The following MINK1 variants were observed in gnomAD, a reference collection of about 807,000 sequenced individuals.
MINK1 encodes the protein misshapen like kinase 1.
MINK1 carries 46 observed loss-of-function variants against 178.4 expected under a neutral mutation model. The observed-to-expected ratio is 0.26, with a 90% CI of 0.20 to 0.33. The LOEUF (loss-of-function observed/expected upper bound fraction) is 0.33. Among genes scored for constraint, MINK1 ranks in the 10% least tolerant of loss-of-function variants. The pLI is 1.00. For synonymous variants in MINK1, 797 were observed against 709.7 expected, an observed-to-expected ratio of 1.12 and a Z score of -1.96; for missense variants, 1,366 against 1,814.9, an observed-to-expected ratio of 0.75 and a Z score of 4.49.
In MINK1 at chr17:4,884,429, C is replaced by A; in HGVS notation, c.373C>A (p.Leu125Met). ...GGTAAAGAACACAAAAGGCAACGCC[C>A]TGAAGGAGGACTGTATCGCCTATAT... ...DLVKNTKGNA[L>M]KEDCIAYICR... Residue 125 changes from leucine to methionine, a missense_variant, in exon 5 of 32, where the codon CTG (leucine) becomes ATG (methionine). This residue lies in a region of MINK1 where 109 missense variants were observed against 369.4 expected (regional missense o/e 0.30). Coordinates refer to ENST00000355280, the MANE Select transcript of MINK1 (RefSeq NM_153827.5). 6.2e-7 allele frequency: 1 copy of A among 1,613,950 alleles called. No homozygotes were observed. The highest frequency in any genetic ancestry group is 8.5e-7 in the Non-Finnish European group (1 of 1,179,888).
intron 1 of MINK1, among the ~76,000 whole-genome samples, chr17:4,853,365 G>C (rs1300243830): frequency 4.2e-5 from 4 of 94,120 alleles, no homozygotes; most frequent in African/African-American, 1.7e-4. Flanking sequence ...AGTGTGGTTG[G>C]GGGGAGTGTG....
At chr17:4,852,574 G>A (rs1172813410) in intron 1 of MINK1, among the ~76,000 whole-genome samples, 1 of 150,754 alleles carries the variant, frequency 6.6e-6, no homozygotes, top group Non-Finnish European at 1.5e-5. Context: ...CCACTAGTTA[G>A]TGCAGTGTTC....
At chr17:4,868,412 T>C (rs1197019426) in intron 1 of MINK1, among the ~76,000 whole-genome samples, 1 of 152,144 alleles carries the variant, frequency 6.6e-6, no homozygotes, top group Admixed American at 6.5e-5. Flanking sequence ...CCTCTCTTCA[T>C]CCCCCTGCCC....
At position 4,896,301 on chromosome 17, in the gene MINK1, G is replaced by A. The variant is rs1208280198; in HGVS notation, c.3574G>A (p.Val1192Ile). 4 of 1,602,046 alleles carry A rather than the reference G, an allele frequency of 2.5e-6. No individual in the cohort carries two copies. The highest frequency in any genetic ancestry group is 1.7e-5 in the Admixed American group (1 of 59,202). ...CAGTGCTGGCTTCCATGCTGTGGAT[G>A]TCGACTCGGGGAACAGCTATGACAT... ...GSSAGFHAVD[V>I]DSGNSYDIYI... Residue 1192 changes from valine (V) to isoleucine (I), a missense_variant, in exon 29 of 32, where the codon GTC becomes ATC. This residue lies in a region of MINK1 where 201 missense variants were observed against 240.7 expected (regional missense o/e 0.84). Transcript: ENST00000355280. This position sits in a 1 kb window ranked among gnomAD's most constrained non-coding sequence, Gnocchi z 4.6.
Position 4,885,728 on chromosome 17 carries a change from G to A in MINK1, c.639+115G>A. ...GAAGGTCAGATGATGTTAGCAGTGA[G>A]GGGCTGGGGAACATCTTACGGCAAG... is the stretch of plus-strand genomic sequence containing the variant. On this transcript the variant is annotated intron_variant, in intron 7 of 31. Coordinates refer to ENST00000355280, the MANE Select transcript of MINK1 (RefSeq NM_153827.5). This position sits in a 1 kb window ranked among gnomAD's most constrained non-coding sequence, Gnocchi z 5.0. The A allele has an allele frequency of 6.8e-7, 1 of 1,477,744 alleles. No homozygotes were observed. The highest frequency in any genetic ancestry group is 1.2e-5 in the South Asian group (1 of 80,654). 91.5% of individuals were successfully genotyped at this position (1,477,744 alleles called of 1,614,324 possible).
chr17:4,877,504 A>C (rs1284366679), intron 1 of MINK1, among the ~76,000 whole-genome samples: 1 of 152,162 alleles, frequency 6.6e-6, no homozygotes, highest in Non-Finnish European at 1.5e-5. Flanking sequence ...GGAAGAGGGA[A>C]GGACAAAAGG....
chr17:4,844,955 C>A (rs1910796627), intron 1 of MINK1, among the ~76,000 whole-genome samples: 1 of 152,188 alleles, frequency 6.6e-6, no homozygotes, highest in Non-Finnish European at 1.5e-5. Flanking sequence ...CACTATCCAT[C>A]TCCAGAACTT....
intron 1 of MINK1, among the ~76,000 whole-genome samples, chr17:4,846,149 T>G (rs1305742574): frequency 2.6e-5 from 4 of 152,202 alleles, no homozygotes; most frequent in Non-Finnish European, 5.9e-5. Context: ...GGCCTCTAGC[T>G]GGTAGGCTGG....
rs888771565 is a variant in MINK1, at chr17:4,896,732, T to C, written c.3834T>C (p.Ser1278=). The C allele has an allele frequency of 1.2e-6, 2 of 1,604,434 alleles. No individual in the cohort carries two copies. The highest frequency in any genetic ancestry group is 2.2e-5 in the East Asian group (1 of 44,742). The change falls in exon 31 of 32, where the codon TCT becomes TCC. Residue 1278 remains serine (S), a synonymous_variant. Transcript: ENST00000355280. This position sits in a 1 kb window ranked among gnomAD's most constrained non-coding sequence, Gnocchi z 4.6. ...GTGAGAAAGCCATTGAGATCCGCTC[T>C]GTGGAGACGGGCCACCTCGACGGGG... ...GWGEKAIEIR[S]VETGHLDGVF... is the part of the protein sequence containing the mutation.
intron 1 of MINK1, among the ~76,000 whole-genome samples, chr17:4,849,876 C>T (rs1946573873): frequency 1.3e-5 from 2 of 152,140 alleles, no homozygotes; most frequent in Non-Finnish European, 2.9e-5. Flanking sequence ...CCCGGCTGGT[C>T]TCAGCTTAAA....
chr17:4,892,321 G>C, intron 17 of MINK1, 81 bp from the exon 18 acceptor site: 1 of 1,431,900 alleles, frequency 7.0e-7, no homozygotes, highest in Non-Finnish European at 9.4e-7. Flanking sequence ...CAGCCTACCC[G>C]CCTGGGGGTG....
chr17:4,839,129 G>A (rs1170992285), intron 1 of MINK1, among the ~76,000 whole-genome samples: 1 of 152,112 alleles, frequency 6.6e-6, no homozygotes, highest in Non-Finnish European at 1.5e-5. Context: ...ATTTTTAGTA[G>A]AGACGGGGTT....
At chr17:4,883,680 C>T (rs1345899691) in intron 4 of MINK1, among the ~76,000 whole-genome samples, 5 of 150,830 alleles carry the variant, frequency 3.3e-5, no homozygotes, top group South Asian at 2.1e-4. Flanking sequence ...TACAGGAGCC[C>T]GCCACCACGC....
rs1968116290 is a variant in MINK1 at position 4,885,418 on chromosome 17, AG to A, written c.509-62del. 5 of 1,589,412 alleles carry A rather than the reference AG, an allele frequency of 3.1e-6. No homozygotes were observed. The highest frequency in any genetic ancestry group is 4.3e-6 in the Non-Finnish European group (5 of 1,166,078). On this transcript the variant is annotated intron_variant, in intron 6 of 31. Coordinates refer to ENST00000355280, the MANE Select transcript of MINK1 (RefSeq NM_153827.5). This position sits in a 1 kb window ranked among gnomAD's most constrained non-coding sequence, Gnocchi z 5.0. Reference sequence around the variant, plus strand: ...TCAGGCAAGTCCTGTGTGTGCACGCAGGGATGTGAGGCAAGGGAGCAGAGGT... The same window carrying A: ...TCAGGCAAGTCCTGTGTGTGCACGCAGGATGTGAGGCAAGGGAGCAGAGGT...
Position 4,889,637 on chromosome 17 carries a change from C to T in MINK1, c.1231-10C>T. ...GTATGGTTCTTAAGACCACCTGGCT[C>T]TCCCCACAGCAACAGCGGCGGGAGC... On this transcript the variant is annotated splice_polypyrimidine_tract_variant and intron_variant, in intron 12 of 31. Coordinates refer to ENST00000355280, the MANE Select transcript of MINK1 (RefSeq NM_153827.5). 6.4e-7 allele frequency: 1 copy of T among 1,571,658 alleles called. No individual in the cohort carries two copies. The highest frequency in any genetic ancestry group is 8.6e-7 in the Non-Finnish European group (1 of 1,159,596).
chr17:4,862,425 C>T (rs8078861), intron 1 of MINK1, among the ~76,000 whole-genome samples: 3,540 of 152,150 alleles, frequency 0.023, 138 homozygotes, highest in African/African-American at 0.079. Flanking sequence ...GAGGCCGAGA[C>T]GGGTGGATCA....
At position 4,847,230 on chromosome 17, in the gene MINK1, GTTCATTCA is replaced by G. The variant is rs59076401; in HGVS notation, c.57+13619_57+13626del. 181 of 460,962 alleles carry G rather than the reference GTTCATTCA, an allele frequency of 3.9e-4. 2 individuals are homozygous for G. Among genetic ancestry groups the G allele is most frequent in the African/African-American group, 1.0e-3 (50 of 50,138 alleles). The allele number at this position is 460,962 out of a possible 1,614,324, so 28.6% of individuals were successfully genotyped here. A position where few individuals can be genotyped will look rare whatever the true frequency, so the allele number is the denominator to read the frequency against. ...TGACCTGGTTCTAGTTTTGGTTCCA[GTTCATTCA>G]TTCATTCATTCATTCATTCATTCAT... On this transcript the variant is annotated intron_variant, in intron 1 of 31. Coordinates refer to ENST00000355280, the MANE Select transcript of MINK1 (RefSeq NM_153827.5).
Position 4,897,578 on chromosome 17 carries a change from A to G in MINK1, c.*291A>G. The G allele has an allele frequency of 2.9e-6, 1 of 350,758 alleles. No individual in the cohort carries two copies. The highest frequency in any genetic ancestry group is 5.3e-6 in the Non-Finnish European group (1 of 190,198). 21.7% of individuals were successfully genotyped at this position (350,758 alleles called of 1,614,324 possible). A position where few individuals can be genotyped will look rare whatever the true frequency, so the allele number is the denominator to read the frequency against. On this transcript the variant is annotated 3_prime_UTR_variant, in exon 32 of 32. Transcript: ENST00000355280. ...GCCTAGCCCCTCCCCCCTTTTCTCC[A>G]TTTGAGAGGAGAGTGCTTGGGGCTT...
intron 12 of MINK1, among the ~76,000 whole-genome samples, chr17:4,888,249 A>G (rs1040345602): frequency 6.6e-6 from 1 of 151,948 alleles, no homozygotes; most frequent in Non-Finnish European, 1.5e-5. Context: ...CAGCACCCAC[A>G]CTGTCCACCT....
Sources: gnomAD v4.1 joint callset for allele counts (sites outside exome capture counted in the v4.1 genomes callset) on GRCh38, gnomAD v4.1.1 for gene constraint, gnomAD v4.1.1 regional missense constraint, Gnocchi (gnomAD v3.1) non-coding constraint, MANE v1.5 for transcripts, NCBI Gene and HGNC (gene_info 2026-07-23, HGNC 2026-07-21) for gene names.